TSPAN12: variants seen among roughly 807,000 people sequenced by gnomAD.
The protein encoded by TSPAN12 is tetraspanin-12.
A neutral mutation model predicts 39.2 loss-of-function variants in TSPAN12; 19 were observed. That is an observed-to-expected ratio of 0.49 (90% CI 0.34 to 0.71). The LOEUF (loss-of-function observed/expected upper bound fraction) is 0.71, where lower values mean the gene tolerates loss of function less well. Ranked by LOEUF, TSPAN12 falls within the 30% of genes least tolerant of loss-of-function variation. The probability of loss-of-function intolerance (pLI) is 0.01; values close to 1 mark genes in which losing one functional copy is unlikely to be tolerated. For missense variants in TSPAN12, 314 were observed against 359.9 expected (o/e 0.87, Z 1.03); for synonymous variants, 119 against 124.8 (o/e 0.95, Z 0.31).
chr7:120,795,830 A>T (rs1015491949), intron 7 of TSPAN12, among the ~76,000 whole-genome samples: 2 of 152,156 alleles, frequency 1.3e-5, no homozygotes, highest in African/African-American at 2.4e-5. Context: ...TGCTTCCTTT[A>T]AAAAAAGCAG....
At chr7:120,790,739 AT>A (rs1793506606) in intron 7 of TSPAN12, among the ~76,000 whole-genome samples, 1 of 152,330 alleles carries the variant, frequency 6.6e-6, no homozygotes, top group East Asian at 1.9e-4. Flanking sequence ...AAGCAGAGAA[AT>A]ATTTTACATA....
intron 2 of TSPAN12, among the ~76,000 whole-genome samples, chr7:120,847,808 T>C (rs17132716): frequency 0.066 from 10,062 of 152,246 alleles, 661 homozygotes; most frequent in East Asian, 0.32. Flanking sequence ...TTATAGAACA[T>C]AGATCAAGTT....
chr7:120,802,327 ACT>A (rs1793790430), intron 7 of TSPAN12, among the ~76,000 whole-genome samples: 1 of 152,054 alleles, frequency 6.6e-6, no homozygotes, highest in South Asian at 2.1e-4. Flanking sequence ...GGCCCAAAAC[ACT>A]GTTCCCCAGC....
chr7:120,830,171 AT>A (rs1439349205), intron 4 of TSPAN12, among the ~76,000 whole-genome samples: 1 of 152,162 alleles, frequency 6.6e-6, no homozygotes, highest in African/African-American at 2.4e-5. Context: ...ATAGAAAGAT[AT>A]CCCATGTTTA....
intron 5 of TSPAN12, chr7:120,814,341 A>C: frequency 4.4e-6 from 2 of 449,990 alleles, no homozygotes; most frequent in South Asian, 3.2e-5. Context: ...ACAGATGCAA[A>C]TGCCCAGTCC....
At chr7:120,848,831 T>C (rs1032679428) in intron 2 of TSPAN12, among the ~76,000 whole-genome samples, 4 of 152,232 alleles carry the variant, frequency 2.6e-5, no homozygotes, top group Admixed American at 1.3e-4. Context: ...CTTTACTCAC[T>C]GGGCTTGAGA....
intron 7 of TSPAN12, among the ~76,000 whole-genome samples, chr7:120,792,345 G>A (rs1263528121): frequency 1.3e-5 from 2 of 152,168 alleles, no homozygotes; most frequent in South Asian, 2.1e-4. Flanking sequence ...AACAGCCTCC[G>A]GTCCCTCCCT....
intron 7 of TSPAN12, among the ~76,000 whole-genome samples, chr7:120,803,100 T>A (rs1040498522): frequency 1.3e-5 from 2 of 152,186 alleles, no homozygotes; most frequent in Non-Finnish European, 2.9e-5. Context: ...ACCAATGACA[T>A]GGTTATCTGA....
In TSPAN12 at chr7:120,856,756, C is replaced by T. The variant is rs1445106029; in HGVS notation, c.8G>A (p.Arg3Lys). Residue 3 changes from arginine (R) to lysine (K), a missense_variant, in exon 2 of 8, where the codon AGA becomes AAA. Physicochemically the swap from Arg to Lys is conservative, Grantham distance 26. Coordinates refer to ENST00000222747, the MANE Select transcript of TSPAN12 (RefSeq NM_012338.4). MA[R>K]EDSVKCLRCL... Reference sequence around the variant, plus strand: ...GCGCAGACACTTCACGGAATCTTCTCTGGCCATTGTGAGCCCCGTAAGGGA... The same window carrying T: ...GCGCAGACACTTCACGGAATCTTCTTTGGCCATTGTGAGCCCCGTAAGGGA... The T allele has an allele frequency of 3.7e-6, 6 of 1,614,206 alleles. No homozygotes were observed. The highest frequency in any genetic ancestry group is 3.3e-5 in the Admixed American group (2 of 60,030).
At chr7:120,812,619 C>A (rs1410622162) in intron 5 of TSPAN12, among the ~76,000 whole-genome samples, 1 of 151,958 alleles carries the variant, frequency 6.6e-6, no homozygotes, top group African/African-American at 2.4e-5. Flanking sequence ...TGGAAATACA[C>A]AATAAAACAT....
chr7:120,799,506 T>TA (rs1793701782), intron 7 of TSPAN12, among the ~76,000 whole-genome samples: 1 of 122,776 alleles, frequency 8.1e-6, no homozygotes, highest in African/African-American at 3.2e-5. Context: ...TTTTAATTAA[T>TA]TAATTATATA....
rs369377013 is a variant in TSPAN12 at position 120,810,587 on chromosome 7, A to G, written c.361-17T>C. 2.5e-5 allele frequency: 35 copies of G among 1,417,476 alleles called. No homozygotes were observed. In the African/African-American group the frequency reaches 4.2e-4, roughly 17 times the overall value. 87.8% of individuals were successfully genotyped at this position (1,417,476 alleles called of 1,614,324 possible). The stretch of plus-strand genomic sequence containing the variant: ...TACTGGAACCTGGTGATAAAAAGCA[A>G]AATATCAACAGCTGTAGCTCACACA... On this transcript the variant is annotated splice_polypyrimidine_tract_variant and intron_variant, in intron 5 of 7. Coordinates refer to ENST00000222747, the MANE Select transcript of TSPAN12 (RefSeq NM_012338.4).
At position 120,847,747 on chromosome 7, in the gene TSPAN12, T is replaced by C. The variant is rs62469950; in HGVS notation, c.67-7638A>G. On this transcript the variant is annotated intron_variant, in intron 2 of 7. Coordinates refer to ENST00000222747, the MANE Select transcript of TSPAN12 (RefSeq NM_012338.4). ...CTATCCAACTATAATTACTTTATAA[T>C]AGAACTCTTCAGCTCACAGATTTCA... 4.5e-3 allele frequency among the ~76,000 whole-genome samples: 684 copies of C among 152,348 alleles called. 3 individuals carry two copies. The highest frequency in any genetic ancestry group is 7.9e-3 in the Non-Finnish European group (537 of 68,034).
intron 7 of TSPAN12, among the ~76,000 whole-genome samples, chr7:120,791,869 CTTA>C (rs569487525): frequency 6.5e-4 from 99 of 152,178 alleles, no homozygotes; most frequent in Non-Finnish European, 1.2e-3. Context: ...ATGAATTCAA[CTTA>C]TTATCTTTTA....
chr7:120,821,429 TA>T lies in TSPAN12; in HGVS notation c.286-5627del, dbSNP rs57157669. Among the ~76,000 whole-genome samples, 1,098 of 142,392 alleles carry T rather than the reference TA, an allele frequency of 7.7e-3. 6 individuals are homozygous for T. Among genetic ancestry groups the T allele is most frequent in the East Asian group, 0.05 (246 of 4,926 alleles). 93.4% of individuals were successfully genotyped at this position (142,392 alleles called of 152,430 possible). On this transcript the variant is annotated intron_variant, in intron 4 of 7. Transcript: ENST00000222747. Reference sequence around the variant, plus strand: ...TGTACGTGAAATTGTCTTGTTGACTTAAAAAAAAAAAAAGCTGTAAAAATGG... The same window carrying T: ...TGTACGTGAAATTGTCTTGTTGACTTAAAAAAAAAAAAGCTGTAAAAATGG...
intron 2 of TSPAN12, among the ~76,000 whole-genome samples, chr7:120,854,449 C>A (rs1257278968): frequency 1.3e-5 from 2 of 152,166 alleles, no homozygotes; most frequent in African/African-American, 4.8e-5. Flanking sequence ...TTATGTGCCA[C>A]TGTTCTCAGC....
chr7:120,838,685 T>A (rs1206699198), intron 4 of TSPAN12, 92 bp downstream of exon 4: 29 of 1,361,892 alleles, frequency 2.1e-5, no homozygotes, highest in Non-Finnish European at 2.8e-5. Flanking sequence ...GTTACTGCTA[T>A]CACTGCTCCC....
chr7:120,801,081 C>T (rs892174397), intron 7 of TSPAN12, among the ~76,000 whole-genome samples: 1 of 152,090 alleles, frequency 6.6e-6, no homozygotes, highest in Non-Finnish European at 1.5e-5. Context: ...TCACTGTAAC[C>T]GGCTCCTTAT....
In TSPAN12 at chr7:120,788,780, G is replaced by C; in HGVS notation, c.730C>G (p.Leu244Val). Residue 244 changes from leucine to valine, a missense_variant, in exon 8 of 8, where the codon CTG becomes GTG. Physicochemically the swap from Leu to Val is conservative, Grantham distance 32. Transcript: ENST00000222747. Reference protein sequence around the residue: ...QILAMILTITLLWALYYDRRE... With the variant: ...QILAMILTITVLWALYYDRRE... ...CTATCATAATACAGAGCCCAGAGCA[G>C]AGTAATGGTGAGAATCATGGCCAGG... 1 of 1,614,164 alleles carries C rather than the reference G, an allele frequency of 6.2e-7. No homozygotes were observed.
Sources: allele counts gnomAD v4.1 joint callset (sites outside exome capture counted in the v4.1 genomes callset), GRCh38; gene constraint gnomAD v4.1.1; transcripts MANE v1.5; gene names NCBI Gene and HGNC (gene_info 2026-07-23, HGNC 2026-07-21).